INPP5A: variants seen among roughly 807,000 people sequenced by gnomAD.
INPP5A encodes 43 kDa inositol polyphosphate 5-phophatase.
INPP5A carries 14 observed loss-of-function variants against 65.2 expected under a neutral mutation model. The ratio of observed to expected loss-of-function variants is 0.21; its 90% CI spans 0.14 to 0.34. The LOEUF is 0.34. Ranked by LOEUF, INPP5A falls within the 10% of genes least tolerant of loss-of-function variation. The pLI, the probability that INPP5A is intolerant of heterozygous loss-of-function variation, is 1.00. For synonymous variants in INPP5A, 207 were observed against 208.3 expected (o/e 0.99, Z 0.05); for missense variants, 431 against 545.6 (o/e 0.79, Z 2.09).
intron 2 of INPP5A, among the ~76,000 whole-genome samples, chr10:132,628,465 G>GGGC (rs1554937161): frequency 3.6e-5 from 2 of 56,256 alleles, no homozygotes; most frequent in Non-Finnish European, 7.1e-5. Context: ...TCTGGTGGCG[G>GGGC]GGGGGGGGGG....
At chr10:132,683,488 T>C (rs2073079538) in intron 4 of INPP5A, among the ~76,000 whole-genome samples, 1 of 152,164 alleles carries the variant, frequency 6.6e-6, no homozygotes, top group African/African-American at 2.4e-5. Flanking sequence ...TGTACATGTG[T>C]GTATTACCCT....
intron 9 of INPP5A, among the ~76,000 whole-genome samples, chr10:132,737,364 C>T (rs1846195940): frequency 6.6e-6 from 1 of 152,196 alleles, no homozygotes; most frequent in South Asian, 2.1e-4. Flanking sequence ...ATGCACACAG[C>T]CCCATCCTCC....
intron 4 of INPP5A, among the ~76,000 whole-genome samples, chr10:132,689,985 G>A: frequency 6.6e-6 from 1 of 152,240 alleles, no homozygotes; most frequent in East Asian, 1.9e-4. Context: ...CGGCCGGTGG[G>A]ACCTGCGCCC....
Position 132,651,146 on chromosome 10 carries a change from G to A in INPP5A, c.306+641G>A, listed in dbSNP as rs2072571278. On this transcript the variant is annotated intron_variant, in intron 4 of 15. Transcript: ENST00000368594. The surrounding 1 kb of genome is among the most constrained non-coding windows in gnomAD (Gnocchi z 5.0). ...AAGGGGCAGGAAGCTCCTCAGAGGA[G>A]GGGACACTCTGCAGGTCGTGAATAA... Among the ~76,000 whole-genome samples the A allele has an allele frequency of 6.6e-6, 1 of 152,192 alleles. No homozygotes were observed. The highest frequency in any genetic ancestry group is 6.5e-5 in the Admixed American group (1 of 15,290).
rs1432630459 is a variant in INPP5A, at chr10:132,651,164, G to A, written c.306+659G>A. ...CAGAGGAGGGGACACTCTGCAGGTC[G>A]TGAATAACTTGCTGTTGGTTCAGAG... is the stretch of plus-strand genomic sequence containing the variant. On this transcript the variant is annotated intron_variant, in intron 4 of 15. Coordinates refer to ENST00000368594, the MANE Select transcript of INPP5A (RefSeq NM_005539.5). The surrounding 1 kb of genome is among the most constrained non-coding windows in gnomAD (Gnocchi z 5.0). 2.0e-5 allele frequency among the ~76,000 whole-genome samples: 3 copies of A among 152,268 alleles called. No individual in the cohort carries two copies. The highest frequency in any genetic ancestry group is 4.8e-5 in the African/African-American group (2 of 41,574).
chr10:132,571,970 C>G (rs545886126), intron 1 of INPP5A, among the ~76,000 whole-genome samples: 1 of 152,318 alleles, frequency 6.6e-6, no homozygotes, highest in African/African-American at 2.4e-5. Context: ...ACTGCTGTGC[C>G]CCTCTGTCTC....
At chr10:132,768,416 A>AC (rs1440109486) in intron 12 of INPP5A, among the ~76,000 whole-genome samples, 1 of 152,082 alleles carries the variant, frequency 6.6e-6, no homozygotes, top group African/African-American at 2.4e-5. Flanking sequence ...ATGGACCCCG[A>AC]CCCTCAGTGT....
intron 13 of INPP5A, among the ~76,000 whole-genome samples, chr10:132,779,547 C>T (rs1222908959): frequency 6.6e-6 from 1 of 152,250 alleles, no homozygotes; most frequent in Admixed American, 6.5e-5. Flanking sequence ...GCCCGTTTTC[C>T]ATTCACTCAC....
intron 4 of INPP5A, among the ~76,000 whole-genome samples, chr10:132,688,404 G>A (rs947347075): frequency 9.9e-5 from 15 of 152,246 alleles, no homozygotes; most frequent in African/African-American, 3.4e-4. Flanking sequence ...TGCAGAGCCT[G>A]AAGTGTGTGG....
chr10:132,749,476 G>A (rs761254542), intron 9 of INPP5A, 41 bp from the exon 10 acceptor site: 1 of 1,574,210 alleles, frequency 6.4e-7, no homozygotes, highest in South Asian at 1.1e-5. Context: ...ATGGGCAGGT[G>A]GGCCCCCCTG....
intron 11 of INPP5A, among the ~76,000 whole-genome samples, chr10:132,759,608 C>T (rs2134663152): frequency 6.6e-6 from 1 of 152,150 alleles, no homozygotes; most frequent in African/African-American, 2.4e-5. Flanking sequence ...CCCCAGGCAC[C>T]CCCATTCCTG....
chr10:132,733,938 A>G lies in INPP5A; in HGVS notation c.732+7033A>G, dbSNP rs917772109. ...TGCCTGGGAGCTCCTTAGCACACAC[A>G]TCCTGGGCTCTCCCGGACCTGCGAG... On this transcript the variant is annotated intron_variant, in intron 9 of 15. Coordinates refer to ENST00000368594, the MANE Select transcript of INPP5A (RefSeq NM_005539.5). Among the ~76,000 whole-genome samples the G allele has an allele frequency of 3.9e-5, 6 of 152,326 alleles. No homozygotes were observed. In the South Asian group the frequency reaches 1.2e-3, roughly 32 times the overall value.
rs1331101365 is a variant in INPP5A, at chr10:132,663,941, A to T, written c.306+13436A>T. Among the ~76,000 whole-genome samples, 3 of 152,258 alleles carry T rather than the reference A, an allele frequency of 2.0e-5. No individual in the cohort carries two copies. Among genetic ancestry groups the T allele is most frequent in the Non-Finnish European group, 4.4e-5 (3 of 68,042 alleles). ...GCAGCCGATCCATCAGGCGGCCGAC[A>T]GGCGTGATCGAGTGCCGTGTCACAC... On this transcript the variant is annotated intron_variant, in intron 4 of 15. Coordinates refer to ENST00000368594, the MANE Select transcript of INPP5A (RefSeq NM_005539.5). This position sits in a 1 kb window ranked among gnomAD's most constrained non-coding sequence, Gnocchi z 4.5.
intron 1 of INPP5A, among the ~76,000 whole-genome samples, chr10:132,548,684 G>A (rs530834364): frequency 5.3e-5 from 8 of 152,182 alleles, no homozygotes; most frequent in Admixed American, 2.0e-4. Flanking sequence ...GCACTGTATC[G>A]TGAACCACAG....
At chr10:132,730,008 C>G (rs1268576721) in intron 9 of INPP5A, among the ~76,000 whole-genome samples, 1 of 152,230 alleles carries the variant, frequency 6.6e-6, no homozygotes, top group East Asian at 1.9e-4. Context: ...CACCATAAGC[C>G]TCACCAGCTC....
At position 132,603,571 on chromosome 10, in the gene INPP5A, A is replaced by C. The variant is rs2071802849; in HGVS notation, c.76-4344A>C. ...TAAATATTTATTGGTGCAAGAGATA[A>C]AGCTCTACAATTCCTCTAAGGATAA... On this transcript the variant is annotated intron_variant, in intron 1 of 15. Coordinates refer to ENST00000368594, the MANE Select transcript of INPP5A (RefSeq NM_005539.5). The surrounding 1 kb of genome is among the most constrained non-coding windows in gnomAD (Gnocchi z 4.2). Among the ~76,000 whole-genome samples the C allele has an allele frequency of 6.6e-6, 1 of 152,218 alleles. No homozygotes were observed. Among genetic ancestry groups the C allele is most frequent in the African/African-American group, 2.4e-5 (1 of 41,454 alleles).
chr10:132,599,675 G>C (rs1273858385), intron 1 of INPP5A, among the ~76,000 whole-genome samples: 7 of 152,356 alleles, frequency 4.6e-5, no homozygotes, highest in Admixed American at 2.6e-4. Flanking sequence ...TTACCCTTCT[G>C]CACTGCCCTA....
At chr10:132,569,383 C>T (rs1388586848) in intron 1 of INPP5A, among the ~76,000 whole-genome samples, 3 of 152,186 alleles carry the variant, frequency 2.0e-5, no homozygotes, top group African/African-American at 7.2e-5. Flanking sequence ...GACAGGGTCT[C>T]GCCCTGTTGC....
At chr10:132,677,419 C>T (rs191246521) in intron 4 of INPP5A, among the ~76,000 whole-genome samples, 6 of 152,214 alleles carry the variant, frequency 3.9e-5, no homozygotes, top group African/African-American at 1.4e-4. Context: ...GTGCCGGGTG[C>T]ATATTTGTGG....
Sources: gnomAD v4.1 joint callset for allele counts (sites outside exome capture counted in the v4.1 genomes callset) on GRCh38, gnomAD v4.1.1 for gene constraint, Gnocchi (gnomAD v3.1) non-coding constraint, MANE v1.5 for transcripts, NCBI Gene and HGNC (gene_info 2026-07-23, HGNC 2026-07-21) for gene names.